NCOA7: variants seen among roughly 807,000 people sequenced by gnomAD.
NCOA7 encodes 140 kDa estrogen receptor-associated protein.
NCOA7 carries 45 observed loss-of-function variants against 104.3 expected under a neutral mutation model. The ratio of observed to expected loss-of-function variants is 0.43; its 90% confidence interval spans 0.34 to 0.55. The LOEUF (loss-of-function observed/expected upper bound fraction) is 0.55. Ranked by LOEUF, NCOA7 falls within the 20% of genes least tolerant of loss-of-function variation. The pLI is 0.02. For missense variants in NCOA7, 1,041 were observed against 1,119.7 expected, an observed-to-expected ratio of 0.93 and a Z score of 1.00; for synonymous variants, 398 against 402.3, an observed-to-expected ratio of 0.99 and a Z score of 0.13.
chr6:125,882,552 G>T lies in NCOA7; in HGVS notation c.699+1G>T, dbSNP rs1287012629. 6.2e-7 allele frequency: 1 copy of T among 1,610,834 alleles called. No homozygotes were observed. The highest frequency in any genetic ancestry group is 8.5e-7 in the Non-Finnish European group (1 of 1,178,736). On this transcript the variant is annotated splice_donor_variant, in intron 7 of 15. Transcript: ENST00000392477. LOFTEE classifies it high-confidence loss of function. Reference sequence around the variant, plus strand: ...TTGTCGATACTTCACCGATGGAAAGGTATATAGCAATGTAATTTGTTTCCT... The same window carrying T: ...TTGTCGATACTTCACCGATGGAAAGTTATATAGCAATGTAATTTGTTTCCT...
intron 11 of NCOA7, among the ~76,000 whole-genome samples, chr6:125,916,515 A>C (rs1787106762): frequency 2.0e-5 from 3 of 152,244 alleles, no homozygotes; most frequent in Admixed American, 6.5e-5. Context: ...ACAAGCTTGC[A>C]GCACTGGGAA....
intron 2 of NCOA7, among the ~76,000 whole-genome samples, chr6:125,832,576 C>G (rs1389222147): frequency 1.3e-5 from 2 of 152,182 alleles, no homozygotes; most frequent in Non-Finnish European, 2.9e-5. Context: ...GGAAATGAGT[C>G]CATAAGGCCA....
At chr6:125,866,323 C>T (rs564777500) in intron 3 of NCOA7, among the ~76,000 whole-genome samples, 1 of 151,648 alleles carries the variant, frequency 6.6e-6, no homozygotes, top group Non-Finnish European at 1.5e-5. Flanking sequence ...GAGCGAAATT[C>T]CGTCTCAGAA....
At position 125,898,024 on chromosome 6, in the gene NCOA7, T is replaced by A. The variant is rs146270095; in HGVS notation, c.2096+7214T>A. Reference sequence around the variant, plus strand: ...GTAGCATCCATACATACTAAGACCATGTAGTAACATTTTGGCCACAAAAGC... The same window carrying A: ...GTAGCATCCATACATACTAAGACCAAGTAGTAACATTTTGGCCACAAAAGC... On this transcript the variant is annotated intron_variant, in intron 10 of 15. Transcript: ENST00000392477. Among the ~76,000 whole-genome samples the A allele has an allele frequency of 4.6e-5, 7 of 152,356 alleles. No individual in the cohort carries two copies. The East Asian group carries it at 1.4e-3, about 29-fold the overall frequency.
rs1373957475 is a variant in NCOA7 at position 125,929,953 on chromosome 6, T to A, written c.*1182T>A. 2 of 152,210 alleles carry A rather than the reference T, an allele frequency of 1.3e-5. No homozygotes were observed. Among genetic ancestry groups the A allele is most frequent in the African/African-American group, 4.8e-5 (2 of 41,460 alleles). The allele number at this position is 152,210 out of a possible 1,614,324, so 9.4% of individuals were successfully genotyped here. On this transcript the variant is annotated 3_prime_UTR_variant, in exon 16 of 16. Coordinates refer to ENST00000392477, the MANE Select transcript of NCOA7 (RefSeq NM_181782.5). The stretch of plus-strand genomic sequence containing the variant: ...CAATTGTCTTGGTTTCTTGATTCAT[T>A]TATTTGAGAAAAAAACAATACAAAG...
Position 125,928,254 on chromosome 6 carries a change from T to G in NCOA7, c.2693+7T>G, listed in dbSNP as rs776684709. 1.8e-5 allele frequency: 28 copies of G among 1,595,504 alleles called. No individual in the cohort carries two copies. The highest frequency in any genetic ancestry group is 2.2e-5 in the Non-Finnish European group (26 of 1,173,120). ...TAGAACTTGGTGGTGGAGGGTAAGG[T>G]TTTTTTTGTTTTTGTTTTCTTATTG... On this transcript the variant is annotated splice_region_variant and intron_variant, in intron 15 of 15. Coordinates refer to ENST00000392477, the MANE Select transcript of NCOA7 (RefSeq NM_181782.5).
chr6:125,829,295 A>T (rs1284208508), intron 2 of NCOA7, among the ~76,000 whole-genome samples: 1 of 152,330 alleles, frequency 6.6e-6, no homozygotes, highest in South Asian at 2.1e-4. Flanking sequence ...TAAGAGACAG[A>T]TGTACAATGC....
intron 10 of NCOA7, among the ~76,000 whole-genome samples, chr6:125,900,266 A>T (rs539967134): frequency 1.3e-5 from 2 of 152,200 alleles, no homozygotes; most frequent in Non-Finnish European, 2.9e-5. Flanking sequence ...GTTGTTAAGT[A>T]TTGTCCACTG....
At chr6:125,899,911 C>T in intron 10 of NCOA7, 1 of 519,022 alleles carries the variant, frequency 1.9e-6, no homozygotes, top group Admixed American at 2.0e-5. Context: ...CTTCACAGTG[C>T]TTTCTGGTGG....
chr6:125,827,803 C>CT (rs1285459990), intron 2 of NCOA7, among the ~76,000 whole-genome samples: 1 of 152,134 alleles, frequency 6.6e-6, no homozygotes. Flanking sequence ...GAACACAGTG[C>CT]TTTTTTGGGA....
At chr6:125,920,485 A>G (rs1290028793) in intron 11 of NCOA7, among the ~76,000 whole-genome samples, 1 of 152,238 alleles carries the variant, frequency 6.6e-6, no homozygotes, top group East Asian at 1.9e-4. Flanking sequence ...AAAGGTAGAA[A>G]TCTTCTGGTG....
chr6:125,792,944 C>T (rs1018493304), intron 1 of NCOA7, among the ~76,000 whole-genome samples: 1 of 152,096 alleles, frequency 6.6e-6, no homozygotes, highest in Admixed American at 6.6e-5. Context: ...GGGCATGCTC[C>T]CAGGTTTTCT....
At chr6:125,794,604 T>C (rs2128545890) in intron 1 of NCOA7, among the ~76,000 whole-genome samples, 1 of 152,340 alleles carries the variant, frequency 6.6e-6, no homozygotes, top group African/African-American at 2.4e-5. Flanking sequence ...CATTGCACAA[T>C]TGATCTCTGG....
In NCOA7 at chr6:125,889,259, A is replaced by G; in HGVS notation, c.1205A>G (p.Glu402Gly). Residue 402 changes from glutamate to glycine, a missense_variant, in exon 9 of 16, where the codon GAA becomes GGA. Transcript: ENST00000392477. ...KEPSDTSSAF[E>G]STAKENFLGE... ...CCTTCCGACACTTCTTCTGCATTTGAATCTACAGCCAAAGAAAACTTTCTA... is the reference window on the plus strand; with the variant it reads ...CCTTCCGACACTTCTTCTGCATTTGGATCTACAGCCAAAGAAAACTTTCTA... 2 of 1,614,056 alleles carry G rather than the reference A, an allele frequency of 1.2e-6. No homozygotes were observed. The highest frequency in any genetic ancestry group is 1.7e-6 in the Non-Finnish European group (2 of 1,180,000).
intron 2 of NCOA7, among the ~76,000 whole-genome samples, chr6:125,834,166 A>G (rs553107590): frequency 6.6e-6 from 1 of 151,042 alleles, no homozygotes; most frequent in South Asian, 2.1e-4. Flanking sequence ...TGTTTTAATA[A>G]AAACAAATAT....
rs148337781 is a variant in NCOA7 at position 125,859,442 on chromosome 6, A to G, written c.271+4202A>G. Among the ~76,000 whole-genome samples the G allele has an allele frequency of 5.4e-4, 83 of 152,382 alleles. 1 individual carries two copies. The highest frequency in any genetic ancestry group is 1.9e-3 in the African/African-American group (80 of 41,592). On this transcript the variant is annotated intron_variant, in intron 3 of 15. Transcript: ENST00000392477. ...AAAACAAAAGTAATCCAGTGAATGC[A>G]CAGAGAGCCAAAATGAAAAGTTAAT...
chr6:125,882,620 T>G (rs1422886073), intron 7 of NCOA7, 69 bp downstream of exon 7: 1 of 1,552,182 alleles, frequency 6.4e-7, no homozygotes, highest in South Asian at 1.2e-5. Flanking sequence ...TACAAATTAC[T>G]GGAACAGAGG....
At chr6:125,809,810 C>G (rs980386039) in intron 1 of NCOA7, among the ~76,000 whole-genome samples, 1 of 152,134 alleles carries the variant, frequency 6.6e-6, no homozygotes, top group Admixed American at 6.5e-5. Context: ...GTTGGGAAAA[C>G]AGCTGATGGG....
Position 125,929,123 on chromosome 6 carries a change from G to A in NCOA7, c.*352G>A, listed in dbSNP as rs756519646. 1 of 165,026 alleles carries A rather than the reference G, an allele frequency of 6.1e-6. No individual in the cohort carries two copies. Among genetic ancestry groups the A allele is most frequent in the Non-Finnish European group, 1.3e-5 (1 of 76,728 alleles). 10.2% of individuals were successfully genotyped at this position (165,026 alleles called of 1,614,324 possible). A position where few individuals can be genotyped will look rare whatever the true frequency, so the allele number is the denominator to read the frequency against. On this transcript the variant is annotated 3_prime_UTR_variant, in exon 16 of 16. Coordinates refer to ENST00000392477, the MANE Select transcript of NCOA7 (RefSeq NM_181782.5). ...GATACTGTGGATATATACATGCCTT[G>A]TGTATTTATCAGCATAATTTTCATT... is the stretch of plus-strand genomic sequence containing the variant.
Sources: gnomAD v4.1 joint callset for allele counts (sites outside exome capture counted in the v4.1 genomes callset) on GRCh38, gnomAD v4.1.1 for gene constraint, MANE v1.5 for transcripts, NCBI Gene and HGNC (gene_info 2026-07-23, HGNC 2026-07-21) for gene names.